SAMD12: variants seen among roughly 807,000 people sequenced by gnomAD.
SAMD12 encodes sterile alpha motif domain-containing protein 12.
A neutral mutation model predicts 15.0 loss-of-function variants in SAMD12; 9 were observed. That is an observed-to-expected ratio of 0.60 (90% CI 0.36 to 1.05). SAMD12 has a LOEUF of 1.05. Ranked by LOEUF, SAMD12 falls within the 50% of genes least tolerant of loss-of-function variation. The pLI is 0.01. For missense variants in SAMD12, 230 were observed against 234.2 expected (o/e 0.98, Z 0.12); for synonymous variants, 86 against 90.1 (o/e 0.96, Z 0.25).
At chr8:118,315,606 T>A (rs778157328) in intron 4 of SAMD12, among the ~76,000 whole-genome samples, 4 of 152,180 alleles carry the variant, frequency 2.6e-5, no homozygotes, top group Non-Finnish European at 5.9e-5. Flanking sequence ...ATGTGGTTCC[T>A]TGAGGGCTCG....
At chr8:118,298,067 G>T (rs937373818) in intron 4 of SAMD12, among the ~76,000 whole-genome samples, 1 of 76,226 alleles carries the variant, frequency 1.3e-5, no homozygotes, top group Non-Finnish European at 2.5e-5. Context: ...GTGGGGTGTG[G>T]TCACACCTAC....
chr8:118,439,738 A>T, intron 3 of SAMD12, 94 bp downstream of exon 3: 1 of 1,232,176 alleles, frequency 8.1e-7, no homozygotes, highest in Non-Finnish European at 1.2e-6. Flanking sequence ...AAATTTCAGC[A>T]GGAAGATGTT....
At chr8:118,516,680 G>A (rs968535854) in intron 2 of SAMD12, among the ~76,000 whole-genome samples, 44 of 148,800 alleles carry the variant, frequency 3.0e-4, no homozygotes, top group Middle Eastern at 3.6e-3. Flanking sequence ...TGTCACCCAG[G>A]CTGGATGGAG....
chr8:118,603,858 A>C (rs1827924417), intron 1 of SAMD12, among the ~76,000 whole-genome samples: 1 of 152,222 alleles, frequency 6.6e-6, no homozygotes, highest in Non-Finnish European at 1.5e-5. Flanking sequence ...ATATATTGGA[A>C]GGAAATTAAA....
intron 2 of SAMD12, among the ~76,000 whole-genome samples, chr8:118,442,590 ACCT>A (rs1248167360): frequency 6.6e-6 from 1 of 152,158 alleles, no homozygotes; most frequent in Non-Finnish European, 1.5e-5. Flanking sequence ...GCTCATCATC[ACCT>A]CCTTTCCTTT....
chr8:118,230,818 G>A (rs1812296366), intron 4 of SAMD12, among the ~76,000 whole-genome samples: 2 of 152,142 alleles, frequency 1.3e-5, no homozygotes, highest in African/African-American at 2.4e-5. Context: ...GAGCGGGAGA[G>A]TGGCTGAGAC....
downstream of SAMD12, among the ~76,000 whole-genome samples, chr8:118,377,789 G>A (rs1819462766): frequency 3.3e-5 from 5 of 152,090 alleles, no homozygotes. Flanking sequence ...TGTGAGTTTA[G>A]GTCTCATTCT....
chr8:118,579,546 A>C (rs1827232277), intron 2 of SAMD12, among the ~76,000 whole-genome samples: 1 of 152,168 alleles, frequency 6.6e-6, no homozygotes, highest in Non-Finnish European at 1.5e-5. Context: ...AATTATCCAC[A>C]CTAAAGAAGA....
intron 4 of SAMD12, among the ~76,000 whole-genome samples, chr8:118,309,483 T>A (rs889962117): frequency 2.0e-5 from 3 of 152,070 alleles, no homozygotes; most frequent in African/African-American, 7.2e-5. Flanking sequence ...TTTGCAATTG[T>A]GAATTGTGCT....
chr8:118,227,491 C>T (rs902289982), intron 4 of SAMD12, among the ~76,000 whole-genome samples: 1 of 152,046 alleles, frequency 6.6e-6, no homozygotes, highest in East Asian at 1.9e-4. Flanking sequence ...TGTAACAAAC[C>T]TGCACATGTA....
intron 2 of SAMD12, among the ~76,000 whole-genome samples, chr8:118,451,128 G>C (rs147756724): frequency 1.5e-3 from 223 of 152,260 alleles, no homozygotes; most frequent in African/African-American, 5.1e-3. Context: ...CTCATCCAAG[G>C]TCACACCGCT....
the SAMD12 span, among the ~76,000 whole-genome samples, chr8:118,133,650 T>G: frequency 2.6e-5 from 4 of 152,230 alleles, no homozygotes; most frequent in African/African-American, 9.6e-5. Flanking sequence ...CTGTGTTTCT[T>G]TTTACCAAAC....
At chr8:118,574,405 A>G (rs994887801) in intron 2 of SAMD12, among the ~76,000 whole-genome samples, 7 of 152,212 alleles carry the variant, frequency 4.6e-5, no homozygotes, top group African/African-American at 1.4e-4. Context: ...AGCACTGTTC[A>G]TGTGTTAGAT....
At chr8:118,139,561 C>T in the SAMD12 span, among the ~76,000 whole-genome samples, 19 of 152,040 alleles carry the variant, frequency 1.2e-4, no homozygotes, top group African/African-American at 4.3e-4. Context: ...TCTTTCTGTC[C>T]TGCCCAGGCT....
intron 2 of SAMD12, among the ~76,000 whole-genome samples, chr8:118,552,890 GACAA>G (rs1195106996): frequency 6.6e-6 from 1 of 151,580 alleles, no homozygotes; most frequent in Non-Finnish European, 1.5e-5. Flanking sequence ...ACCAATAACA[GACAA>G]ACAGAGAGCC....
At chr8:118,587,878 T>A (rs1221323872) in intron 1 of SAMD12, among the ~76,000 whole-genome samples, 2 of 152,212 alleles carry the variant, frequency 1.3e-5, no homozygotes, top group East Asian at 3.8e-4. Flanking sequence ...CACATTTCCA[T>A]TTTAACCAAT....
downstream of SAMD12, among the ~76,000 whole-genome samples, chr8:118,377,239 A>T (rs1819434150): frequency 6.6e-6 from 1 of 152,020 alleles, no homozygotes; most frequent in South Asian, 2.1e-4. Flanking sequence ...TCTACTAAAA[A>T]TACAAAAAAT....
intron 1 of SAMD12, chr8:118,620,955 C>T (rs880033): frequency 0.9 from 137,406 of 152,254 alleles, 62,081 homozygotes; most frequent in Middle Eastern, 0.97. Flanking sequence ...CAAACCCTTC[C>T]GGTCCACAGT....
downstream of SAMD12, among the ~76,000 whole-genome samples, chr8:118,186,870 A>C (rs537768944): frequency 1.3e-5 from 2 of 152,244 alleles, no homozygotes; most frequent in Non-Finnish European, 2.9e-5. Flanking sequence ...TGGGTGGAGG[A>C]TAATGAGGGT....
Sources: allele counts gnomAD v4.1 joint callset (sites outside exome capture counted in the v4.1 genomes callset), GRCh38; gene constraint gnomAD v4.1.1; transcripts MANE v1.5; gene names NCBI Gene and HGNC (gene_info 2026-07-23, HGNC 2026-07-21).